The following IFT43 variants were observed in gnomAD, a reference collection of about 807,000 sequenced individuals.
The protein encoded by IFT43 is intraflagellar transport protein 43 homolog.
A neutral mutation model predicts 32.3 loss-of-function variants in IFT43; 33 were observed. That is an observed-to-expected ratio of 1.02 (90% confidence interval 0.77 to 1.37). The LOEUF (loss-of-function observed/expected upper bound fraction) is 1.37. IFT43 is among the 40% of genes most tolerant of loss of function. The pLI is 0.00. For synonymous variants in IFT43, 93 were observed against 98.2 expected, an observed-to-expected ratio of 0.95 and a Z score of 0.31; for missense variants, 274 against 265.9, an observed-to-expected ratio of 1.03 and a Z score of -0.21.
Position 76,059,506 on chromosome 14 carries a change from C to T in IFT43, c.295+133C>T, listed in dbSNP as rs535461648. 1.3e-4 allele frequency: 107 copies of T among 828,968 alleles called. No homozygotes were observed. In the African/African-American group the frequency reaches 1.4e-3, roughly 11 times the overall value. 51.4% of individuals were successfully genotyped at this position (828,968 alleles called of 1,614,324 possible). ...AGTGGTCTTCTGACGCATGCTGATG[C>T]ACATCTTCATGCCTTGCTGAATGCT... On this transcript the variant is annotated intron_variant, in intron 5 of 8. Coordinates refer to ENST00000314067, the MANE Select transcript of IFT43 (RefSeq NM_001102564.3).
intron 3 of IFT43, among the ~76,000 whole-genome samples, chr14:76,048,241 A>C (rs2036846667): frequency 6.6e-6 from 1 of 152,190 alleles, no homozygotes; most frequent in African/African-American, 2.4e-5. Context: ...CTTTACTGCT[A>C]CCCTCTGGGA....
chr14:76,079,761 A>C (rs1472597906), intron 5 of IFT43, among the ~76,000 whole-genome samples: 1 of 152,244 alleles, frequency 6.6e-6, no homozygotes, highest in Non-Finnish European at 1.5e-5. Flanking sequence ...TGTGCTTTGC[A>C]TGTCAGACTT....
At chr14:75,995,080 T>C (rs2035718559) in intron 2 of IFT43, among the ~76,000 whole-genome samples, 1 of 152,240 alleles carries the variant, frequency 6.6e-6, no homozygotes, top group Non-Finnish European at 1.5e-5. Context: ...ATCTGTTCAT[T>C]ACATGCAGTG....
rs1268485094 is a variant in IFT43 at position 76,083,502 on chromosome 14, C to T, written c.552C>T (p.Ser184=). The T allele has an allele frequency of 6.2e-7, 1 of 1,614,028 alleles. No homozygotes were observed. The highest frequency in any genetic ancestry group is 1.3e-5 in the African/African-American group (1 of 74,918). The change falls in exon 9 of 9, where the codon TCC becomes TCT. Residue 184 remains serine (S), a synonymous_variant. Transcript: ENST00000314067. ...GGGACCATCTGTTCACTGAGGTGTCCTCAGAGGTCCTCACTGAGTGGGACC... is the reference window on the plus strand; with the variant it reads ...GGGACCATCTGTTCACTGAGGTGTCTTCAGAGGTCCTCACTGAGTGGGACC... ...WDWDHLFTEV[S]SEVLTEWDPL...
chr14:76,026,872 A>G (rs1179694565), intron 3 of IFT43, among the ~76,000 whole-genome samples: 2 of 152,250 alleles, frequency 1.3e-5, no homozygotes, highest in East Asian at 3.8e-4. Context: ...AAAATGTTGT[A>G]CATATACACC....
chr14:76,002,928 T>G (rs2035917119), intron 2 of IFT43, among the ~76,000 whole-genome samples: 1 of 152,198 alleles, frequency 6.6e-6, no homozygotes, highest in South Asian at 2.1e-4. Context: ...GTAGAGAGTG[T>G]GCTGTGAATA....
At chr14:75,986,296 G>T in intron 1 of IFT43, 1 of 1,256,772 alleles carries the variant, frequency 8.0e-7, no homozygotes, top group Non-Finnish European at 1.0e-6. Flanking sequence ...GGCAGGGACG[G>T]CCTTTCTTCC....
intron 3 of IFT43, among the ~76,000 whole-genome samples, chr14:76,034,714 C>G (rs1594833012): frequency 6.6e-6 from 1 of 152,338 alleles, no homozygotes; most frequent in East Asian, 1.9e-4. Context: ...AGCCACCTCA[C>G]TGGCTAGATA....
At chr14:76,038,099 G>C (rs2036636959) in intron 3 of IFT43, 1 of 152,236 alleles carries the variant, frequency 6.6e-6, no homozygotes, top group African/African-American at 2.4e-5. Context: ...CCCGGAATCA[G>C]TATGGCATGA....
intron 3 of IFT43, among the ~76,000 whole-genome samples, chr14:76,049,658 T>C (rs139257012): frequency 9.5e-4 from 144 of 152,312 alleles, no homozygotes; most frequent in Non-Finnish European, 1.7e-3. Context: ...GGAACACTCA[T>C]ACAGCGGTTC....
chr14:76,039,094 T>C (rs1272520502), intron 3 of IFT43, among the ~76,000 whole-genome samples: 1 of 152,162 alleles, frequency 6.6e-6, no homozygotes, highest in Non-Finnish European at 1.5e-5. Context: ...GCAGGTCTAA[T>C]GTTAGACACA....
At chr14:75,999,279 ATATTT>A (rs1377497608) in intron 2 of IFT43, among the ~76,000 whole-genome samples, 4 of 20,682 alleles carry the variant, frequency 1.9e-4, no homozygotes, top group African/African-American at 6.0e-4. Context: ...ATATGTATAT[ATATTT>A]TTTTTTTTTT....
At chr14:76,009,214 A>G (rs541241130) in intron 2 of IFT43, among the ~76,000 whole-genome samples, 1 of 152,234 alleles carries the variant, frequency 6.6e-6, no homozygotes, top group South Asian at 2.1e-4. Flanking sequence ...CTCAGGTATC[A>G]GACACACCTG....
At chr14:76,054,228 C>T (rs1403419573) in intron 3 of IFT43, among the ~76,000 whole-genome samples, 1 of 152,182 alleles carries the variant, frequency 6.6e-6, no homozygotes, top group Admixed American at 6.5e-5. Flanking sequence ...GTCTGGTGCA[C>T]CACTGTTGAA....
intron 2 of IFT43, among the ~76,000 whole-genome samples, chr14:75,999,246 TATATATATATATATATATATATATATG>T (rs2035812512): frequency 2.9e-4 from 3 of 10,376 alleles, no homozygotes; most frequent in South Asian, 2.3e-3. Flanking sequence ...TATATATATA[TATATATATATATATATATATATATATG>T]TATATATATT....
chr14:76,054,657 G>A (rs111527621), intron 3 of IFT43, among the ~76,000 whole-genome samples: 1,597 of 152,294 alleles, frequency 0.01, 25 homozygotes, highest in African/African-American at 0.036. Flanking sequence ...AGGTGATCTC[G>A]CTGGAATTAT....
Position 75,985,842 on chromosome 14 carries a change from T to C in IFT43, c.54+2T>C. ...CTTCGCTACAGCTTGGCTACCTCCGTGAGGACCAATTCGGGGGCCTTGGGG... is the reference window on the plus strand; with the variant it reads ...CTTCGCTACAGCTTGGCTACCTCCGCGAGGACCAATTCGGGGGCCTTGGGG... On this transcript the variant is annotated splice_donor_variant, in intron 1 of 8. Coordinates refer to ENST00000314067, the MANE Select transcript of IFT43 (RefSeq NM_001102564.3). LOFTEE classifies it high-confidence loss of function. The C allele has an allele frequency of 6.2e-7, 1 of 1,613,964 alleles. No homozygotes were observed.
At chr14:76,047,718 T>C (rs1024974644) in intron 3 of IFT43, among the ~76,000 whole-genome samples, 2 of 151,166 alleles carry the variant, frequency 1.3e-5, no homozygotes, top group African/African-American at 4.9e-5. Context: ...CCTCCCTCTG[T>C]TCCTTCCCTC....
intron 2 of IFT43, among the ~76,000 whole-genome samples, chr14:76,015,651 C>T (rs550574733): frequency 6.6e-6 from 1 of 152,046 alleles, no homozygotes; most frequent in Non-Finnish European, 1.5e-5. Flanking sequence ...TTTGGAGCTG[C>T]GGGTACCATT....
Sources: allele counts gnomAD v4.1 joint callset (sites outside exome capture counted in the v4.1 genomes callset), GRCh38; gene constraint gnomAD v4.1.1; transcripts MANE v1.5; gene names NCBI Gene and HGNC (gene_info 2026-07-23, HGNC 2026-07-21).